The following C1orf105 variants were observed in gnomAD, a reference collection of about 807,000 sequenced individuals.
C1orf105 encodes the protein chromosome 1 open reading frame 105.
Under a neutral mutation model 20.8 loss-of-function variants are expected in C1orf105, and 17 were observed. That is an observed-to-expected ratio of 0.82 (90% confidence interval 0.56 to 1.23). C1orf105 has a LOEUF of 1.23. Ranked by LOEUF, C1orf105 falls within the 50% of genes most tolerant of loss-of-function variation. The probability of loss-of-function intolerance (pLI) is 0.00; values close to 1 mark genes in which losing one functional copy is unlikely to be tolerated. For missense variants in C1orf105, 219 were observed against 213.5 expected (o/e 1.03, Z -0.16); for synonymous variants, 72 against 72.1 (o/e 1.00, Z 0.01).
At chr1:172,453,067 G>GT in intron 3 of C1orf105, 1 of 1,550,594 alleles carries the variant, frequency 6.4e-7, no homozygotes, top group Non-Finnish European at 8.7e-7. Flanking sequence ...AAATGTTTGC[G>GT]TCGCCTTTAA....
chr1:172,432,065 G>C (rs1022345029), intron 1 of C1orf105, among the ~76,000 whole-genome samples: 4 of 152,214 alleles, frequency 2.6e-5, no homozygotes, highest in African/African-American at 9.6e-5. Context: ...TGAGGCTTGA[G>C]TAGGTAAACA....
At chr1:172,425,809 G>A (rs1242979925) in intron 1 of C1orf105, among the ~76,000 whole-genome samples, 2 of 152,170 alleles carry the variant, frequency 1.3e-5, no homozygotes, top group African/African-American at 4.8e-5. Context: ...TCATGAGGAT[G>A]TGAAAAGGCC....
intron 3 of C1orf105, among the ~76,000 whole-genome samples, chr1:172,448,772 A>G (rs935720451): frequency 1.3e-5 from 2 of 152,174 alleles, no homozygotes; most frequent in African/African-American, 2.4e-5. Flanking sequence ...ACAGGAAACT[A>G]AAAATTAGTA....
intron 1 of C1orf105, among the ~76,000 whole-genome samples, chr1:172,424,287 G>A (rs1004323510): frequency 2.0e-5 from 3 of 152,208 alleles, no homozygotes; most frequent in Admixed American, 6.5e-5. Context: ...TCACTAATGT[G>A]GGTTCTGCCT....
chr1:172,456,911 C>G (rs1012150122), intron 4 of C1orf105, among the ~76,000 whole-genome samples: 4 of 152,152 alleles, frequency 2.6e-5, no homozygotes, highest in Non-Finnish European at 5.9e-5. Context: ...ATTTAGGTAG[C>G]ACCTCAAGAG....
intron 6 of C1orf105, among the ~76,000 whole-genome samples, chr1:172,466,703 A>G (rs1189500687): frequency 2.6e-5 from 4 of 152,178 alleles, no homozygotes; most frequent in Non-Finnish European, 2.9e-5. Flanking sequence ...CCTTTCATCA[A>G]TGTATTATCT....
At chr1:172,436,627 A>G (rs1461147959) in intron 1 of C1orf105, among the ~76,000 whole-genome samples, 1 of 152,238 alleles carries the variant, frequency 6.6e-6, no homozygotes, top group Non-Finnish European at 1.5e-5. Context: ...TAGATCTAAA[A>G]CCATAAAAAC....
In C1orf105 at chr1:172,445,025, A is replaced by G. The variant is rs1479453199; in HGVS notation, c.22-48A>G. The G allele has an allele frequency of 3.4e-6, 5 of 1,463,916 alleles. No individual in the cohort carries two copies. In the South Asian group the frequency reaches 5.9e-5, roughly 17 times the overall value. The allele number at this position is 1,463,916 out of a possible 1,614,324, so 90.7% of individuals were successfully genotyped here. On this transcript the variant is annotated intron_variant, in intron 1 of 6. Transcript: ENST00000367727. ...GACTTTGGCCATCGTAATGATAGCA[A>G]TGTTTAAGTGTGATATATTCTGTAA...
chr1:172,430,945 G>A (rs1461051843), intron 1 of C1orf105: 8 of 427,036 alleles, frequency 1.9e-5, no homozygotes, highest in Non-Finnish European at 3.3e-5. Flanking sequence ...CAATTGTTTT[G>A]GGGTACCACA....
intron 5 of C1orf105, among the ~76,000 whole-genome samples, chr1:172,463,881 T>TA (rs1230194662): frequency 7.2e-5 from 11 of 152,178 alleles, no homozygotes; most frequent in Non-Finnish European, 1.5e-4. Context: ...TTTTCAGTGT[T>TA]ATGGAGGAAA....
chr1:172,454,841 A>C (rs1649062457), intron 3 of C1orf105, among the ~76,000 whole-genome samples: 1 of 152,218 alleles, frequency 6.6e-6, no homozygotes, highest in South Asian at 2.1e-4. Context: ...CTTGATGTAT[A>C]GGCTACTGGA....
chr1:172,438,459 T>G (rs903739841), intron 1 of C1orf105, among the ~76,000 whole-genome samples: 2 of 152,156 alleles, frequency 1.3e-5, no homozygotes, highest in Non-Finnish European at 2.9e-5. Flanking sequence ...GTGGTGGAAA[T>G]AGCAAGAGAA....
intron 3 of C1orf105, among the ~76,000 whole-genome samples, chr1:172,456,154 T>G (rs1649214475): frequency 6.6e-6 from 1 of 152,014 alleles, no homozygotes; most frequent in African/African-American, 2.4e-5. Context: ...TCTTTACATG[T>G]ATACCACTGC....
Position 172,445,163 on chromosome 1 carries a change from C to A in C1orf105, c.107+5C>A. The A allele has an allele frequency of 6.2e-7, 1 of 1,607,420 alleles. No individual in the cohort carries two copies. Among genetic ancestry groups the A allele is most frequent in the South Asian group, 1.1e-5 (1 of 89,874 alleles). ...AGTGCTCAGCCTTCCCAGAAGGTAACCTCTCAGCCACCGAGGGCAAAAGTT... is the reference window on the plus strand; with the variant it reads ...AGTGCTCAGCCTTCCCAGAAGGTAAACTCTCAGCCACCGAGGGCAAAAGTT... On this transcript the variant is annotated splice_donor_5th_base_variant and intron_variant, in intron 2 of 6. Transcript: ENST00000367727.
chr1:172,422,821 T>C (rs1223975101), intron 1 of C1orf105, among the ~76,000 whole-genome samples: 1 of 152,020 alleles, frequency 6.6e-6, no homozygotes, highest in African/African-American at 2.4e-5. Context: ...CCCTTGGGCC[T>C]TAAGTGAACA....
chr1:172,453,043 G>C (rs1457409626), intron 3 of C1orf105: 3 of 1,550,494 alleles, frequency 1.9e-6, no homozygotes, highest in Admixed American at 2.0e-5. Context: ...GAGGCCTGCA[G>C]GACATGGCGT....
At chr1:172,432,863 A>C (rs768902310) in intron 1 of C1orf105, among the ~76,000 whole-genome samples, 1 of 152,196 alleles carries the variant, frequency 6.6e-6, no homozygotes, top group Non-Finnish European at 1.5e-5. Context: ...GAAGTTAAAA[A>C]CCTTGAAAAA....
At chr1:172,450,752 G>A (rs370398354) in intron 3 of C1orf105, among the ~76,000 whole-genome samples, 9 of 152,188 alleles carry the variant, frequency 5.9e-5, no homozygotes, top group Non-Finnish European at 1.0e-4. Flanking sequence ...GCAGGTGCAC[G>A]TGTGCCTGGA....
At position 172,465,380 on chromosome 1, in the gene C1orf105, A is replaced by G. The variant is rs1053143002; in HGVS notation, c.406+17A>G. On this transcript the variant is annotated intron_variant, in intron 6 of 6. Coordinates refer to ENST00000367727, the MANE Select transcript of C1orf105 (RefSeq NM_139240.4). ...TCCCAACAGGTTTGCTTTCTTTTAG[A>G]GTACTTATAGTGTGAAACACACTAG... 9 of 1,560,904 alleles carry G rather than the reference A, an allele frequency of 5.8e-6. No individual in the cohort carries two copies. Among genetic ancestry groups the G allele is most frequent in the Non-Finnish European group, 8.0e-6 (9 of 1,131,778 alleles).
Sources: allele counts gnomAD v4.1 joint callset (sites outside exome capture counted in the v4.1 genomes callset), GRCh38; gene constraint gnomAD v4.1.1; transcripts MANE v1.5; gene names NCBI Gene and HGNC (gene_info 2026-07-23, HGNC 2026-07-21).